STX8: variants seen among roughly 807,000 people sequenced by gnomAD.
The protein encoded by STX8 is syntaxin 8.
In STX8, 23 loss-of-function variants were observed where a neutral mutation model predicts 37.5. The observed-to-expected ratio is 0.61, with a 90% CI of 0.44 to 0.87. The LOEUF (loss-of-function observed/expected upper bound fraction) is 0.87, where lower values mean the gene tolerates loss of function less well. STX8 is among the 40% of genes least tolerant of loss of function. The pLI, the probability that STX8 is intolerant of heterozygous loss-of-function variation, is 0.00. For synonymous variants in STX8, 115 were observed against 99.1 expected (o/e 1.16, Z -0.95); for missense variants, 313 against 284.7 (o/e 1.10, Z -0.71).
At chr17:9,329,050 C>CAAAAAAAAAAAAAA (rs998679728) in intron 7 of STX8, among the ~76,000 whole-genome samples, 1 of 27,998 alleles carries the variant, frequency 3.6e-5, no homozygotes, top group Non-Finnish European at 9.4e-5. Context: ...GATTCCATCT[C>CAAAAAAAAAAAAAA]AAAAAAAAAA....
chr17:9,424,919 T>C (rs1336247041), intron 6 of STX8, among the ~76,000 whole-genome samples: 1 of 152,032 alleles, frequency 6.6e-6, no homozygotes, highest in African/African-American at 2.4e-5. Context: ...CTATAAATCA[T>C]CCAAAGCAAA....
chr17:9,255,690 C>T (rs1488276501), intron 7 of STX8, among the ~76,000 whole-genome samples: 1 of 152,090 alleles, frequency 6.6e-6, no homozygotes, highest in African/African-American at 2.4e-5. Flanking sequence ...GGAGCCATGA[C>T]AAATAAGGCT....
chr17:9,294,988 G>A (rs751215341), intron 7 of STX8, among the ~76,000 whole-genome samples: 4 of 152,190 alleles, frequency 2.6e-5, no homozygotes, highest in East Asian at 1.9e-4. Flanking sequence ...AGCAGAAACC[G>A]ACCCTGCTGG....
At chr17:9,491,294 C>T (rs1269126546) in intron 6 of STX8, among the ~76,000 whole-genome samples, 4 of 137,418 alleles carry the variant, frequency 2.9e-5, no homozygotes, top group African/African-American at 6.5e-5. Flanking sequence ...CCATCCAGGC[C>T]CTCCTCAAGC....
At chr17:9,314,689 T>C (rs904258251) in intron 7 of STX8, among the ~76,000 whole-genome samples, 2 of 150,192 alleles carry the variant, frequency 1.3e-5, no homozygotes, top group African/African-American at 2.4e-5. Context: ...ATTACAGGCA[T>C]GAGCCACCAT....
At chr17:9,335,764 T>C (rs1910115628) in intron 7 of STX8, among the ~76,000 whole-genome samples, 1 of 152,140 alleles carries the variant, frequency 6.6e-6, no homozygotes, top group East Asian at 1.9e-4. Context: ...AAAAATAAAT[T>C]ATAGTTACAC....
At chr17:9,317,700 A>G (rs1007413852) in intron 7 of STX8, among the ~76,000 whole-genome samples, 1 of 150,646 alleles carries the variant, frequency 6.6e-6, no homozygotes, top group African/African-American at 2.4e-5. Context: ...CGGGAGGTGG[A>G]GCTTGCAGTG....
At chr17:9,545,742 G>A (rs759489822) in intron 3 of STX8, among the ~76,000 whole-genome samples, 16 of 152,064 alleles carry the variant, frequency 1.1e-4, no homozygotes, top group East Asian at 1.9e-4. Flanking sequence ...CACCACAACC[G>A]GCTAAGTTTT....
In STX8 at chr17:9,274,708, TAATAATAAAC is replaced by T. The variant is rs1326125149; in HGVS notation, c.644-24073_644-24064del. On this transcript the variant is annotated intron_variant, in intron 7 of 7. Coordinates refer to ENST00000306357, the MANE Select transcript of STX8 (RefSeq NM_004853.3). Reference sequence around the variant, plus strand: ...ATAATAATAATAATAATAATAATAATAATAATAAACAAAGTCTTCAAAAATACAACAATTT... The same window carrying T: ...ATAATAATAATAATAATAATAATAATAAAGTCTTCAAAAATACAACAATTT... Among the ~76,000 whole-genome samples the T allele has an allele frequency of 1.4e-3, 169 of 124,480 alleles. 2 individuals carry two copies. Among genetic ancestry groups the T allele is most frequent in the African/African-American group, 4.1e-3 (146 of 35,878 alleles). The allele number at this position is 124,480 out of a possible 152,430, so 81.7% of individuals were successfully genotyped here. A position where few individuals can be genotyped will look rare whatever the true frequency, so the allele number is the denominator to read the frequency against.
At chr17:9,280,422 G>C (rs149557579) in intron 7 of STX8, among the ~76,000 whole-genome samples, 33 of 152,128 alleles carry the variant, frequency 2.2e-4, no homozygotes, top group African/African-American at 6.7e-4. Context: ...GTGTGGTGGC[G>C]GGCGCCTGTA....
chr17:9,522,527 C>G (rs190066946), intron 4 of STX8, among the ~76,000 whole-genome samples: 23 of 118,594 alleles, frequency 1.9e-4, no homozygotes, highest in African/African-American at 7.4e-4. Flanking sequence ...GAAACTCCGT[C>G]TCTACTAAAA....
At chr17:9,513,621 C>CA (rs988554622) in intron 4 of STX8, among the ~76,000 whole-genome samples, 3 of 152,234 alleles carry the variant, frequency 2.0e-5, no homozygotes, top group African/African-American at 7.2e-5. Flanking sequence ...GGGGGTTCCC[C>CA]AAAAAACTAT....
At chr17:9,359,570 C>A (rs143712628) in intron 7 of STX8, among the ~76,000 whole-genome samples, 1,863 of 140,134 alleles carry the variant, frequency 0.013, 79 homozygotes, top group Admixed American at 0.094. Context: ...TGCAGTGGTG[C>A]AATCTCGGCT....
chr17:9,515,152 A>C (rs1905127179), intron 4 of STX8, among the ~76,000 whole-genome samples: 1 of 152,220 alleles, frequency 6.6e-6, no homozygotes, highest in South Asian at 2.1e-4. Flanking sequence ...AATGTGTAAA[A>C]TGTGTGCAAA....
At chr17:9,487,038 T>C (rs1475830582) in intron 6 of STX8, among the ~76,000 whole-genome samples, 1 of 152,176 alleles carries the variant, frequency 6.6e-6, no homozygotes, top group Admixed American at 6.5e-5. Flanking sequence ...CTGTCATCAC[T>C]GGGATTTTCA....
intron 4 of STX8, among the ~76,000 whole-genome samples, chr17:9,525,591 C>A (rs534309861): frequency 2.0e-4 from 30 of 152,196 alleles, no homozygotes; most frequent in South Asian, 4.2e-4. Context: ...CATGATCTAC[C>A]CGCCTCAGCC....
At chr17:9,475,692 G>A (rs1262457362) in intron 6 of STX8, among the ~76,000 whole-genome samples, 3 of 152,328 alleles carry the variant, frequency 2.0e-5, no homozygotes, top group African/African-American at 4.8e-5. Flanking sequence ...TATAAAAGAT[G>A]TCACCCCAAG....
chr17:9,369,581 A>T (rs571702057), intron 7 of STX8, among the ~76,000 whole-genome samples: 8 of 152,282 alleles, frequency 5.3e-5, no homozygotes, highest in African/African-American at 1.9e-4. Flanking sequence ...TATAAGGTTC[A>T]AAAGAGCTAA....
At chr17:9,483,563 C>A (rs1351531521) in intron 6 of STX8, among the ~76,000 whole-genome samples, 1 of 152,144 alleles carries the variant, frequency 6.6e-6, no homozygotes, top group Non-Finnish European at 1.5e-5. Flanking sequence ...AAACTTTTAA[C>A]ATGAAAATTC....
Sources: gnomAD v4.1 joint callset for allele counts (sites outside exome capture counted in the v4.1 genomes callset) on GRCh38, gnomAD v4.1.1 for gene constraint, MANE v1.5 for transcripts, NCBI Gene and HGNC (gene_info 2026-07-23, HGNC 2026-07-21) for gene names.